DNAAF9: variants seen among roughly 807,000 people sequenced by gnomAD.
The protein encoded by DNAAF9 is dynein axonemal assembly factor 9.
A neutral mutation model predicts 167.0 loss-of-function variants in DNAAF9; 90 were observed. The ratio of observed to expected loss-of-function variants is 0.54; its 90% CI spans 0.45 to 0.64. DNAAF9 has a LOEUF of 0.64. DNAAF9 is among the 30% of genes least tolerant of loss of function. The pLI, the probability that DNAAF9 is intolerant of heterozygous loss-of-function variation, is 0.00. For synonymous variants in DNAAF9, 491 were observed against 508.8 expected (o/e 0.96, Z 0.47); for missense variants, 1,315 against 1,442.2 (o/e 0.91, Z 1.43).
At chr20:3,332,546 T>C (rs1200996329) in intron 10 of DNAAF9, among the ~76,000 whole-genome samples, 185 bp from the exon 11 acceptor site, 1 of 151,816 alleles carries the variant, frequency 6.6e-6, no homozygotes, top group African/African-American at 2.4e-5. Flanking sequence ...CTCCACCTCC[T>C]GGGTTCAAGT....
intron 21 of DNAAF9, among the ~76,000 whole-genome samples, chr20:3,298,482 TA>T (rs1406570110): frequency 6.6e-6 from 1 of 152,132 alleles, no homozygotes; most frequent in African/African-American, 2.4e-5. Context: ...TATGCCTGGC[TA>T]ATTTTTTTAA....
At chr20:3,330,547 G>T in intron 12 of DNAAF9, 99 bp downstream of exon 12, 1 of 754,736 alleles carries the variant, frequency 1.3e-6, no homozygotes, top group Non-Finnish European at 2.3e-6. Context: ...AGCAAAAGCA[G>T]ATGTCTTAAT....
chr20:3,326,204 A>G lies in DNAAF9; in HGVS notation c.1181T>C (p.Leu394Pro), dbSNP rs1200216506. 5 of 1,597,498 alleles carry G rather than the reference A, an allele frequency of 3.1e-6. No homozygotes were observed. In the East Asian group the frequency reaches 1.1e-4, roughly 36 times the overall value. The change falls in exon 13 of 37, where the codon CTA becomes CCA. Residue 394 changes from leucine (L) to proline (P), a missense_variant. Transcript: ENST00000252032. ...GIACYAKTSS[L>P]TKAKEVAEQT... ...ACATGGTATTTAAATTACCTTTGTT[A>G]GACTGGAAGTTTTAGCATAACATGC... is the stretch of plus-strand genomic sequence containing the variant.
intron 27 of DNAAF9, among the ~76,000 whole-genome samples, chr20:3,282,032 C>G (rs2068772647): frequency 6.6e-6 from 1 of 152,216 alleles, no homozygotes; most frequent in Admixed American, 6.5e-5. Context: ...AGGAAGCCTG[C>G]AGGCGATCCT....
intron 26 of DNAAF9, among the ~76,000 whole-genome samples, chr20:3,288,575 C>T (rs2068893220): frequency 6.6e-6 from 1 of 152,210 alleles, no homozygotes; most frequent in Admixed American, 6.5e-5. Flanking sequence ...CCAAGCATTG[C>T]TCTGTAATTT....
intron 13 of DNAAF9, among the ~76,000 whole-genome samples, chr20:3,325,328 C>T (rs2069691399): frequency 6.6e-6 from 1 of 152,230 alleles, no homozygotes; most frequent in Non-Finnish European, 1.5e-5. Context: ...GGGAAGGAAC[C>T]TCTGCCCTCA....
At chr20:3,365,700 A>G (rs3940030) in intron 6 of DNAAF9, among the ~76,000 whole-genome samples, 1 of 152,026 alleles carries the variant, frequency 6.6e-6, no homozygotes, top group Admixed American at 6.6e-5. Flanking sequence ...CCGTGATAGC[A>G]TTTTACCCAC....
intron 14 of DNAAF9, among the ~76,000 whole-genome samples, chr20:3,323,471 G>C (rs1171831803): frequency 1.3e-5 from 2 of 151,862 alleles, no homozygotes; most frequent in South Asian, 2.1e-4. Context: ...TAATGAAGGC[G>C]GGGTTTTGCC....
intron 10 of DNAAF9, among the ~76,000 whole-genome samples, chr20:3,332,616 G>C (rs2069852253): frequency 6.6e-6 from 1 of 150,836 alleles, no homozygotes. Context: ...ATCACACCCA[G>C]CTAATTTTTT....
chr20:3,307,734 G>A (rs1240061243), intron 20 of DNAAF9, among the ~76,000 whole-genome samples: 36 of 151,990 alleles, frequency 2.4e-4, no homozygotes, highest in Admixed American at 2.3e-3. Flanking sequence ...TGTATCCCTG[G>A]AAGTCCAACA....
chr20:3,316,646 CAA>C, intron 18 of DNAAF9, 75 bp downstream of exon 18: 1 of 1,047,002 alleles, frequency 9.6e-7, no homozygotes, highest in South Asian at 1.3e-5. Flanking sequence ...AGGGGCCCAA[CAA>C]AGAGGCTCTT....
chr20:3,317,014 C>T (rs896112535), intron 17 of DNAAF9, among the ~76,000 whole-genome samples: 4 of 149,028 alleles, frequency 2.7e-5, no homozygotes, highest in Non-Finnish European at 5.9e-5. Flanking sequence ...CTTGACTCAT[C>T]CTCCCGAATA....
At chr20:3,350,140 G>GACACACACACACACACACACACACACAC (rs1491384105) in intron 7 of DNAAF9, among the ~76,000 whole-genome samples, 3 of 115,698 alleles carry the variant, frequency 2.6e-5, no homozygotes, top group African/African-American at 3.0e-5. Flanking sequence ...CAGACACACA[G>GACACACACACACACACACACACACACAC]ACACACAGAC....
intron 20 of DNAAF9, among the ~76,000 whole-genome samples, chr20:3,305,850 G>A (rs1379923884): frequency 1.3e-5 from 2 of 152,158 alleles, no homozygotes; most frequent in Admixed American, 1.3e-4. Flanking sequence ...GACTATCTAG[G>A]TTCAAGCTCT....
chr20:3,353,812 A>C (rs1286448625), intron 7 of DNAAF9, among the ~76,000 whole-genome samples: 1 of 152,110 alleles, frequency 6.6e-6, no homozygotes, highest in Non-Finnish European at 1.5e-5. Flanking sequence ...ATTCTCTGCT[A>C]ACTTGTAGGT....
At chr20:3,309,034 T>A (rs548162136) in intron 20 of DNAAF9, among the ~76,000 whole-genome samples, 1 of 152,230 alleles carries the variant, frequency 6.6e-6, no homozygotes, top group East Asian at 1.9e-4. Flanking sequence ...AACACTGGAA[T>A]TTTGGAGAGG....
At chr20:3,390,925 G>C (rs769967125) in intron 1 of DNAAF9, among the ~76,000 whole-genome samples, 2 of 152,088 alleles carry the variant, frequency 1.3e-5, no homozygotes, top group Non-Finnish European at 2.9e-5. Context: ...TCAGACAGTA[G>C]GCTGCTTTAC....
At chr20:3,380,678 T>C (rs747430675) in intron 3 of DNAAF9, among the ~76,000 whole-genome samples, 1 of 152,156 alleles carries the variant, frequency 6.6e-6, no homozygotes, top group South Asian at 2.1e-4. Context: ...TTTTCATGCC[T>C]CCCCCAGCTG....
rs149888892 is a variant in DNAAF9, at chr20:3,286,227, T to C, written c.2486+1405A>G. Among the ~76,000 whole-genome samples the C allele has an allele frequency of 2.7e-3, 412 of 152,260 alleles. 1 individual carries two copies. Among genetic ancestry groups the C allele is most frequent in the African/African-American group, 9.3e-3 (387 of 41,562 alleles). On this transcript the variant is annotated intron_variant, in intron 27 of 36. Coordinates refer to ENST00000252032, the MANE Select transcript of DNAAF9 (RefSeq NM_001009984.3). Reference sequence around the variant, plus strand: ...GACTGGAGTCCTCCAGGAAATTGACTAGAGGTCCCCATATCCTGGGGCTGT... The same window carrying C: ...GACTGGAGTCCTCCAGGAAATTGACCAGAGGTCCCCATATCCTGGGGCTGT...
Sources: allele counts gnomAD v4.1 joint callset (sites outside exome capture counted in the v4.1 genomes callset), GRCh38; gene constraint gnomAD v4.1.1; transcripts MANE v1.5; gene names NCBI Gene and HGNC (gene_info 2026-07-23, HGNC 2026-07-21).